Variants in ZC2HC1B observed in about 807,000 individuals in gnomAD.
The protein encoded by ZC2HC1B is zinc finger C2HC-type containing 1B.
In ZC2HC1B, 36 loss-of-function variants were observed where a neutral mutation model predicts 31.0. That is an observed-to-expected ratio of 1.16 (90% CI 0.89 to 1.54). The LOEUF is 1.54. Ranked by LOEUF, ZC2HC1B falls within the 40% of genes most tolerant of loss-of-function variation. The pLI is 0.00. For synonymous variants in ZC2HC1B, 73 were observed against 88.0 expected, an observed-to-expected ratio of 0.83 and a Z score of 0.95; for missense variants, 260 against 268.6, an observed-to-expected ratio of 0.97 and a Z score of 0.22.
rs1777536621 is a variant in ZC2HC1B, at chr6:143,886,878, C to G, written c.349+57C>G. 11 of 1,415,852 alleles carry G rather than the reference C, an allele frequency of 7.8e-6. No homozygotes were observed. The highest frequency in any genetic ancestry group is 1.0e-5 in the Non-Finnish European group (11 of 1,075,990). 87.7% of individuals were successfully genotyped at this position (1,415,852 alleles called of 1,614,324 possible). Reference sequence around the variant, plus strand: ...TATGCTTGACTTTTGACCAAATCATCATGCCCTCTATGCACTCTGAAATTG... The same window carrying G: ...TATGCTTGACTTTTGACCAAATCATGATGCCCTCTATGCACTCTGAAATTG... On this transcript the variant is annotated intron_variant, in intron 4 of 7. Coordinates refer to ENST00000237275, the MANE Select transcript of ZC2HC1B (RefSeq NM_001013623.3). The surrounding 1 kb of genome is among the most constrained non-coding windows in gnomAD (Gnocchi z 4.2).
intron 6 of ZC2HC1B, among the ~76,000 whole-genome samples, chr6:143,920,906 CA>C (rs59847897): frequency 0.38 from 34,367 of 91,326 alleles, 4,067 homozygotes; most frequent in East Asian, 0.52. Context: ...GACTCCGTCT[CA>C]AAAAAAAAAA....
In ZC2HC1B at chr6:143,870,991, G is replaced by A. The variant is rs945489673; in HGVS notation, c.28+6424G>A. ...GGATTAACACACCCACATGAGAAAT[G>A]TGTTGCCTCCAAAATCCAAATAGAT... On this transcript the variant is annotated intron_variant, in intron 1 of 7. Transcript: ENST00000237275. This position sits in a 1 kb window ranked among gnomAD's most constrained non-coding sequence, Gnocchi z 4.7. Among the ~76,000 whole-genome samples, 2 of 152,008 alleles carry A rather than the reference G, an allele frequency of 1.3e-5. No homozygotes were observed. The highest frequency in any genetic ancestry group is 4.8e-5 in the African/African-American group (2 of 41,374).
chr6:143,907,055 G>A (rs1182260577), intron 6 of ZC2HC1B, among the ~76,000 whole-genome samples: 1 of 152,076 alleles, frequency 6.6e-6, no homozygotes, highest in Non-Finnish European at 1.5e-5. Flanking sequence ...TCCTGCATTA[G>A]TTTGTGGAAG....
chr6:143,896,414 C>A (rs1777667026), intron 4 of ZC2HC1B, among the ~76,000 whole-genome samples: 1 of 152,106 alleles, frequency 6.6e-6, no homozygotes, highest in Admixed American at 6.6e-5. Flanking sequence ...TTCCAGCTGG[C>A]AAAATTGAAG....
intron 6 of ZC2HC1B, among the ~76,000 whole-genome samples, chr6:143,916,305 CAGA>C (rs992550340): frequency 1.3e-5 from 2 of 152,210 alleles, no homozygotes; most frequent in Admixed American, 6.5e-5. Context: ...GTCTAGATTT[CAGA>C]AGATGTATGG....
intron 6 of ZC2HC1B, among the ~76,000 whole-genome samples, chr6:143,925,229 G>A (rs1365169083): frequency 7.4e-6 from 1 of 134,806 alleles, no homozygotes; most frequent in Non-Finnish European, 1.5e-5. Context: ...AGGCTGGAGT[G>A]CAGTGGTGCG....
intron 6 of ZC2HC1B, among the ~76,000 whole-genome samples, chr6:143,927,049 C>T (rs1160935401): frequency 1.3e-5 from 2 of 151,272 alleles, no homozygotes; most frequent in African/African-American, 2.4e-5. Flanking sequence ...CCACCCGCCT[C>T]GGCCTCCCAA....
At chr6:143,867,795 C>T (rs1033510655) in intron 1 of ZC2HC1B, among the ~76,000 whole-genome samples, 4 of 152,198 alleles carry the variant, frequency 2.6e-5, no homozygotes, top group African/African-American at 9.6e-5. Flanking sequence ...AATCACACAC[C>T]TCAAACCTCG....
intron 5 of ZC2HC1B, among the ~76,000 whole-genome samples, chr6:143,900,315 G>A (rs1334097538): frequency 6.6e-6 from 1 of 151,674 alleles, no homozygotes; most frequent in African/African-American, 2.4e-5. Context: ...CTTGAACCTG[G>A]GGAGGCAGAG....
chr6:143,926,695 A>G lies in ZC2HC1B; in HGVS notation c.599-10954A>G, dbSNP rs141931566. Among the ~76,000 whole-genome samples the G allele has an allele frequency of 1.9e-3, 290 of 152,172 alleles. 5 individuals carry two copies. The highest frequency in any genetic ancestry group is 0.012 in the East Asian group (64 of 5,192). On this transcript the variant is annotated intron_variant, in intron 6 of 7. Transcript: ENST00000237275. ...TTTCTGTCTTGACGATCTGTCTAAT[A>G]TAGAGAGTAGGGTGTTGAAGTCTTC...
intron 1 of ZC2HC1B, among the ~76,000 whole-genome samples, chr6:143,875,947 A>G (rs1777403355): frequency 6.6e-6 from 1 of 150,624 alleles, no homozygotes; most frequent in African/African-American, 2.4e-5. Context: ...CAGAGTTTAC[A>G]AACTCAGTGT....
intron 6 of ZC2HC1B, among the ~76,000 whole-genome samples, chr6:143,909,638 G>A (rs1777836438): frequency 6.6e-6 from 1 of 151,622 alleles, no homozygotes. Context: ...TCAGTCTTGG[G>A]AGGATGTATG....
At position 143,903,001 on chromosome 6, in the gene ZC2HC1B, T is replaced by G. The variant is rs772636795; in HGVS notation, c.490-43T>G. The G allele has an allele frequency of 6.5e-7, 1 of 1,536,778 alleles. No homozygotes were observed. The highest frequency in any genetic ancestry group is 1.2e-5 in the South Asian group (1 of 83,782). ...CTCCTATGTGGCACCTGAGGTTACATACAGAAGGTGTTCTCTTTGTCTCTT... is the reference window on the plus strand; with the variant it reads ...CTCCTATGTGGCACCTGAGGTTACAGACAGAAGGTGTTCTCTTTGTCTCTT... On this transcript the variant is annotated intron_variant, in intron 5 of 7. Transcript: ENST00000237275. This position sits in a 1 kb window ranked among gnomAD's most constrained non-coding sequence, Gnocchi z 4.3.
intron 1 of ZC2HC1B, among the ~76,000 whole-genome samples, chr6:143,866,460 C>A (rs1777263874): frequency 6.6e-6 from 1 of 152,206 alleles, no homozygotes; most frequent in Non-Finnish European, 1.5e-5. Flanking sequence ...AGGATTGTAC[C>A]ACTTTCTACT....
intron 4 of ZC2HC1B, among the ~76,000 whole-genome samples, chr6:143,889,218 G>C (rs1384875288): frequency 6.6e-6 from 1 of 151,852 alleles, no homozygotes. Flanking sequence ...AAAAAATATT[G>C]CTATTTAGCT....
At chr6:143,900,127 C>T (rs1476714168) in intron 5 of ZC2HC1B, among the ~76,000 whole-genome samples, 1 of 151,972 alleles carries the variant, frequency 6.6e-6, no homozygotes, top group Non-Finnish European at 1.5e-5. Context: ...TGGTGGCTCA[C>T]GCCTGTAATC....
chr6:143,919,941 A>G (rs76965555), intron 6 of ZC2HC1B, among the ~76,000 whole-genome samples: 2,945 of 152,222 alleles, frequency 0.019, 100 homozygotes, highest in African/African-American at 0.067. Context: ...CTGACAAGTA[A>G]TTAGTTTTTT....
Position 143,884,456 on chromosome 6 carries a change from A to G in ZC2HC1B, c.90+91A>G. ...AGGCGGCAGTGCAAAGATTAAAGAC[A>G]GATGTGGAGGGGAAGCAAGGGAAGA... On this transcript the variant is annotated intron_variant, in intron 2 of 7. Coordinates refer to ENST00000237275, the MANE Select transcript of ZC2HC1B (RefSeq NM_001013623.3). The surrounding 1 kb of genome is among the most constrained non-coding windows in gnomAD (Gnocchi z 5.1). 8.1e-7 allele frequency: 1 copy of G among 1,236,064 alleles called. No homozygotes were observed. The allele number at this position is 1,236,064 out of a possible 1,614,324, so 76.6% of individuals were successfully genotyped here. A position where few individuals can be genotyped will look rare whatever the true frequency, so the allele number is the denominator to read the frequency against.
intron 1 of ZC2HC1B, among the ~76,000 whole-genome samples, chr6:143,882,952 C>G (rs192390471): frequency 1.2e-4 from 18 of 152,268 alleles, no homozygotes; most frequent in African/African-American, 4.3e-4. Context: ...CCTCCTAACT[C>G]CCACAAATCT....
Sources: allele counts gnomAD v4.1 joint callset (sites outside exome capture counted in the v4.1 genomes callset), GRCh38; gene constraint gnomAD v4.1.1; non-coding constraint Gnocchi (gnomAD v3.1); transcripts MANE v1.5; gene names NCBI Gene and HGNC (gene_info 2026-07-23, HGNC 2026-07-21).